Variants in PARP1 observed in about 807,000 individuals in gnomAD.
PARP1 encodes the protein poly(ADP-ribose) polymerase 1.
In PARP1, 44 loss-of-function variants were observed where a neutral mutation model predicts 118.7. The observed-to-expected ratio is 0.37, with a 90% CI of 0.29 to 0.48. The LOEUF is 0.48. Ranked by LOEUF, PARP1 falls within the 20% of genes least tolerant of loss-of-function variation. PARP1 has a pLI of 0.99. For synonymous variants in PARP1, 492 were observed against 483.2 expected (o/e 1.02, Z -0.24); for missense variants, 1,100 against 1,272.4 (o/e 0.86, Z 2.06).
chr1:226,395,637 T>C (rs1576401685), intron 2 of PARP1, among the ~76,000 whole-genome samples: 1 of 152,106 alleles, frequency 6.6e-6, no homozygotes. Flanking sequence ...AGTGAGACTC[T>C]GTCTCAAAAA....
At chr1:226,362,950 C>A (rs1664180234) in intron 21 of PARP1, 149 bp downstream of exon 21, 2 of 680,420 alleles carry the variant, frequency 2.9e-6, no homozygotes, top group Admixed American at 2.1e-5. Flanking sequence ...ACAACAACAA[C>A]AACGCACACA....
At position 226,388,723 on chromosome 1, in the gene PARP1, T is replaced by C; in HGVS notation, c.650A>G (p.Asp217Gly). The C allele has an allele frequency of 3.7e-6, 6 of 1,613,974 alleles. No individual in the cohort carries two copies. Among genetic ancestry groups the C allele is most frequent in the Non-Finnish European group, 5.1e-6 (6 of 1,179,850 alleles). The part of the protein sequence containing the change: ...KRKGDEVDGV[D>G]EVAKKKSKKE... ...TTTAGATTTCTTCTTCGCCACTTCA[T>C]CCACTCCATCCACCTCATCGCCTTT... Residue 217 changes from aspartate (D) to glycine (G), a missense_variant, in exon 5 of 23, where the codon GAT (aspartate) becomes GGT (glycine). By Grantham distance (94) the Asp-to-Gly change is moderately conservative. This residue lies in a region of PARP1 where 948 missense variants were observed against 1,031.8 expected (regional missense o/e 0.92). Coordinates refer to ENST00000366794, the MANE Select transcript of PARP1 (RefSeq NM_001618.4).
In PARP1 at chr1:226,366,674, G is replaced by A. The variant is rs3219132; in HGVS notation, c.2407-622C>T. ...AAAAAGAGAATAAGAATCCCTTCAC[G>A]AAGAACCACACCTACAGTTTTCCCA... is the stretch of plus-strand genomic sequence containing the variant. On this transcript the variant is annotated intron_variant, in intron 17 of 22. Transcript: ENST00000366794. The A allele has an allele frequency of 4.6e-3, 727 of 156,652 alleles. 27 individuals carry two copies. The South Asian group carries it at 0.083, about 18-fold the overall frequency. The allele number at this position is 156,652 out of a possible 1,614,324, so 9.7% of individuals were successfully genotyped here. A position where few individuals can be genotyped will look rare whatever the true frequency, so the allele number is the denominator to read the frequency against.
intron 14 of PARP1, among the ~76,000 whole-genome samples, chr1:226,373,605 C>CA (rs2102731810): frequency 6.6e-6 from 1 of 152,320 alleles, no homozygotes; most frequent in South Asian, 2.1e-4. Flanking sequence ...CTGCCCTGGA[C>CA]AGAAGCATGA....
In PARP1 at chr1:226,380,044, A is replaced by C; in HGVS notation, c.1421T>G (p.Leu474Ter). The C allele has an allele frequency of 6.2e-7, 1 of 1,614,160 alleles. No individual in the cohort carries two copies. The highest frequency in any genetic ancestry group is 8.5e-7 in the Non-Finnish European group (1 of 1,180,024). The change falls in exon 10 of 23, where the codon TTA (leucine) becomes TGA (stop). Residue 474 changes from leucine (L) to a stop codon, truncating the protein, a stop_gained. Coordinates refer to ENST00000366794, the MANE Select transcript of PARP1 (RefSeq NM_001618.4). LOFTEE classifies it high-confidence loss of function. ...ASTKSLQELFLAHILSPWGAE... is the reference protein window; with the variant it reads ...ASTKSLQELF ...CCCCCAAGGGGACAAGATGTGCGCT[A>C]AGAACAACTCCTGAAGGCTCTTGGT... is the stretch of plus-strand genomic sequence containing the variant.
At chr1:226,373,096 G>T (rs188510552) in intron 14 of PARP1, among the ~76,000 whole-genome samples, 7 of 152,214 alleles carry the variant, frequency 4.6e-5, no homozygotes, top group African/African-American at 1.7e-4. Context: ...GGGAGATACG[G>T]GGTTGGCCCT....
intron 2 of PARP1, 45 bp from the exon 3 acceptor site, chr1:226,392,359 A>C (rs1342300348): frequency 2.1e-6 from 3 of 1,404,358 alleles, no homozygotes; most frequent in Admixed American, 1.7e-5. Flanking sequence ...ACAGCCCCAA[A>C]ATGCAGCTCA....
Position 226,374,207 on chromosome 1 carries a change from A to G in PARP1, c.2070+19T>C. ...ATCCACAGCAAATGCTCACAGATAA[A>G]ATGATAAAGCGCAATAACCTCATAC... is the stretch of plus-strand genomic sequence containing the variant. On this transcript the variant is annotated intron_variant, in intron 14 of 22. Transcript: ENST00000366794. 2 of 1,613,194 alleles carry G rather than the reference A, an allele frequency of 1.2e-6. No individual in the cohort carries two copies. The highest frequency in any genetic ancestry group is 1.7e-6 in the Non-Finnish European group (2 of 1,179,910).
intron 2 of PARP1, among the ~76,000 whole-genome samples, chr1:226,394,875 T>G (rs1664886045): frequency 6.6e-6 from 1 of 152,222 alleles, no homozygotes; most frequent in African/African-American, 2.4e-5. Flanking sequence ...GTGCCTGAAC[T>G]TCCTCACCTG....
intron 4 of PARP1, among the ~76,000 whole-genome samples, chr1:226,390,134 T>C (rs1489621977): frequency 6.6e-6 from 1 of 152,096 alleles, no homozygotes; most frequent in Non-Finnish European, 1.5e-5. Context: ...AGCCTGTCCA[T>C]GGAGCTCAGA....
intron 1 of PARP1, among the ~76,000 whole-genome samples, chr1:226,403,628 C>T (rs1429764322): frequency 2.6e-5 from 4 of 152,198 alleles, no homozygotes; most frequent in African/African-American, 9.6e-5. Context: ...CAGATGGAGA[C>T]AGTGGGGCTG....
chr1:226,403,081 A>G (rs1665069326), intron 1 of PARP1, among the ~76,000 whole-genome samples: 1 of 152,230 alleles, frequency 6.6e-6, no homozygotes, highest in East Asian at 1.9e-4. Context: ...TCCCAGGCGT[A>G]GGACCTGAGA....
At position 226,383,183 on chromosome 1, in the gene PARP1, C is replaced by A; in HGVS notation, c.1012G>T (p.Glu338Ter). 6.2e-7 allele frequency: 1 copy of A among 1,612,592 alleles called. No homozygotes were observed. Among genetic ancestry groups the A allele is most frequent in the East Asian group, 2.2e-5 (1 of 44,876 alleles). The change falls in exon 8 of 23, where the codon GAA becomes TAA. Residue 338 changes from glutamate to a stop codon, truncating the protein, a stop_gained and splice_region_variant. Transcript: ENST00000366794. LOFTEE classifies it high-confidence loss of function. ...TTGAGGTAAGAGATTTCTCGGAATT[C>A]CTAAAAAATATTAAGTTTTAGTTAA... ...PNRKEWVTPK[E>*]FREISYLKKL...
intron 22 of PARP1, 118 bp from the exon 23 acceptor site, chr1:226,361,659 C>A: frequency 1.3e-6 from 1 of 782,662 alleles, no homozygotes; most frequent in South Asian, 1.4e-5. Context: ...TCTAAGGCCT[C>A]TTCATGGGGC....
At chr1:226,381,346 C>T (rs578181932) in intron 8 of PARP1, 138 bp from the exon 9 acceptor site, 123 of 942,932 alleles carry the variant, frequency 1.3e-4, no homozygotes, top group African/African-American at 1.2e-3. Context: ...GAAAACAGGA[C>T]GGGACAGCAA....
At chr1:226,396,039 T>A (rs1664908678) in intron 2 of PARP1, among the ~76,000 whole-genome samples, 1 of 152,148 alleles carries the variant, frequency 6.6e-6, no homozygotes, top group African/African-American at 2.4e-5. Flanking sequence ...GCCACTGAAC[T>A]CTACACTTAA....
intron 16 of PARP1, among the ~76,000 whole-genome samples, chr1:226,367,908 C>T (rs966296646): frequency 5.9e-5 from 9 of 152,146 alleles, no homozygotes; most frequent in African/African-American, 2.2e-4. Flanking sequence ...GGTCCTGAGC[C>T]AGGAGCTGTC....
chr1:226,391,445 G>A (rs781527918), intron 3 of PARP1, among the ~76,000 whole-genome samples: 1 of 152,144 alleles, frequency 6.6e-6, no homozygotes, highest in Non-Finnish European at 1.5e-5. Context: ...TCCAGAGAAT[G>A]CAGCAGGAGG....
In PARP1 at chr1:226,360,974, T is replaced by C. The variant is rs527437232; in HGVS notation, c.*486A>G. ...ACAAAAAAAACTAAAAAGGGGACAA[T>C]AAGTGCAAGATAAAAAAGAAAATCT... On this transcript the variant is annotated 3_prime_UTR_variant, in exon 23 of 23. Coordinates refer to ENST00000366794, the MANE Select transcript of PARP1 (RefSeq NM_001618.4). The C allele has an allele frequency of 4.4e-6, 1 of 226,730 alleles. No individual in the cohort carries two copies. The highest frequency in any genetic ancestry group is 8.8e-6 in the Non-Finnish European group (1 of 113,510). 14.0% of individuals were successfully genotyped at this position (226,730 alleles called of 1,614,324 possible).
Sources: allele counts gnomAD v4.1 joint callset (sites outside exome capture counted in the v4.1 genomes callset), GRCh38; gene constraint gnomAD v4.1.1; regional missense constraint gnomAD v4.1.1; transcripts MANE v1.5; gene names NCBI Gene and HGNC (gene_info 2026-07-23, HGNC 2026-07-21).